The following RNF125 variants were observed in gnomAD, a reference collection of about 807,000 sequenced individuals.
RNF125 encodes E3 ubiquitin-protein ligase RNF125.
Under a neutral mutation model 26.0 loss-of-function variants are expected in RNF125, and 21 were observed. The observed-to-expected ratio is 0.81, with a 90% CI of 0.57 to 1.16. RNF125 has a LOEUF of 1.16. RNF125 is among the 50% of genes most tolerant of loss of function. The probability of loss-of-function intolerance (pLI) is 0.00; values close to 1 mark genes in which losing one functional copy is unlikely to be tolerated. For synonymous variants in RNF125, 95 were observed against 109.2 expected (o/e 0.87, Z 0.81); for missense variants, 270 against 299.4 (o/e 0.90, Z 0.72).
chr18:32,075,243 CTG>C (rs1197436141), downstream of RNF125, among the ~76,000 whole-genome samples: 2 of 152,176 alleles, frequency 1.3e-5, no homozygotes, highest in Admixed American at 6.5e-5. Context: ...TAACTGGACT[CTG>C]TGCCCACATT....
At position 32,071,903 on chromosome 18, in the gene RNF125, G is replaced by C. The variant is rs1299379768; in HGVS notation, c.*3519G>C. On this transcript the variant is annotated 3_prime_UTR_variant, in exon 6 of 6. Coordinates refer to ENST00000217740, the MANE Select transcript of RNF125 (RefSeq NM_017831.4). ...TGGATCATACAATAAAGCAAAATCT[G>C]GCTGGTTACAGTGGCTCACACCTAT... 6.6e-6 allele frequency: 1 copy of C among 152,144 alleles called. No individual in the cohort carries two copies. The highest frequency in any genetic ancestry group is 1.5e-5 in the Non-Finnish European group (1 of 68,046). The allele number at this position is 152,144 out of a possible 1,614,324, so 9.4% of individuals were successfully genotyped here.
At chr18:32,035,308 T>C (rs548794393) in intron 1 of RNF125, among the ~76,000 whole-genome samples, 2 of 152,134 alleles carry the variant, frequency 1.3e-5, no homozygotes, top group East Asian at 3.9e-4. Flanking sequence ...TGATAACAGA[T>C]GCAGAAGAGA....
chr18:32,080,027 T>TTTTTG, the RNF125 span, among the ~76,000 whole-genome samples: 836 of 152,188 alleles, frequency 5.5e-3, 4 homozygotes, highest in African/African-American at 0.019. Context: ...TATGTTTTTG[T>TTTTTG]TTTTGTTTTG....
chr18:32,084,455 C>T, the RNF125 span, among the ~76,000 whole-genome samples: 9 of 152,208 alleles, frequency 5.9e-5, no homozygotes, highest in African/African-American at 2.2e-4. Flanking sequence ...CTGGTCTACT[C>T]TAGGGCTCTG....
At chr18:32,037,347 G>C (rs1461166271) in intron 2 of RNF125, 78 bp downstream of exon 2, 4 of 663,792 alleles carry the variant, frequency 6.0e-6, no homozygotes, top group Non-Finnish European at 9.5e-6. Context: ...CTCTGCTTCT[G>C]ACCCCATGGT....
At chr18:32,090,694 T>C in the RNF125 span, among the ~76,000 whole-genome samples, 20 of 152,348 alleles carry the variant, frequency 1.3e-4, no homozygotes, top group African/African-American at 3.6e-4. Context: ...CTGATAGATA[T>C]GTAATAATGT....
At chr18:32,066,400 A>G (rs1233483287) in intron 5 of RNF125, among the ~76,000 whole-genome samples, 2 of 151,990 alleles carry the variant, frequency 1.3e-5, no homozygotes, top group African/African-American at 4.8e-5. Flanking sequence ...CAGAGGTTTC[A>G]GTGAGCTGAG....
intron 4 of RNF125, among the ~76,000 whole-genome samples, chr18:32,052,920 G>A (rs766851729): frequency 6.6e-6 from 1 of 152,114 alleles, no homozygotes; most frequent in Non-Finnish European, 1.5e-5. Context: ...TCCCTCAACA[G>A]TAAAATATGG....
chr18:32,041,997 T>G, intron 2 of RNF125, 182 bp from the exon 3 acceptor site: 1 of 575,224 alleles, frequency 1.7e-6, no homozygotes, highest in Admixed American at 3.3e-5. Flanking sequence ...TCGGAGAATT[T>G]GAAAAATAGT....
At chr18:32,079,434 G>C in the RNF125 span, among the ~76,000 whole-genome samples, 5 of 152,198 alleles carry the variant, frequency 3.3e-5, no homozygotes, top group Admixed American at 6.5e-5. Context: ...TTGACTGGAT[G>C]AATGAATGGC....
intron 4 of RNF125, among the ~76,000 whole-genome samples, chr18:32,050,346 G>A (rs2039311550): frequency 6.6e-6 from 1 of 152,034 alleles, no homozygotes; most frequent in Non-Finnish European, 1.5e-5. Context: ...TGGAGACAGG[G>A]TCTCGCTCTG....
the RNF125 span, among the ~76,000 whole-genome samples, chr18:32,079,228 A>T: frequency 1.3e-5 from 2 of 152,136 alleles, no homozygotes; most frequent in Non-Finnish European, 2.9e-5. Context: ...GTGGGGAGGG[A>T]GAGAAAGAGA....
chr18:32,021,296 G>A (rs1438628129), intron 1 of RNF125, among the ~76,000 whole-genome samples: 1 of 152,210 alleles, frequency 6.6e-6, no homozygotes, highest in African/African-American at 2.4e-5. Flanking sequence ...TAGCCAGGAT[G>A]GTCTTGATCT....
intron 1 of RNF125, among the ~76,000 whole-genome samples, chr18:32,024,525 C>T (rs888954573): frequency 6.6e-6 from 1 of 152,066 alleles, no homozygotes; most frequent in African/African-American, 2.4e-5. Context: ...ACTGCAACCT[C>T]AAATTCCTGG....
chr18:32,045,291 G>A (rs1216405301), intron 3 of RNF125, among the ~76,000 whole-genome samples: 1 of 152,004 alleles, frequency 6.6e-6, no homozygotes, highest in African/African-American at 2.4e-5. Context: ...AGGTGCGGTG[G>A]CTCACGCCTG....
rs1426949666 is a variant in RNF125 at position 32,069,470 on chromosome 18, T to G, written c.*1086T>G. 1 of 152,064 alleles carries G rather than the reference T, an allele frequency of 6.6e-6. No individual in the cohort carries two copies. Among genetic ancestry groups the G allele is most frequent in the East Asian group, 1.9e-4 (1 of 5,200 alleles). 9.4% of individuals were successfully genotyped at this position (152,064 alleles called of 1,614,324 possible). ...ACCCTAAGGGCTTTGATATCTTTTT[T>G]GATTGTAACATTTTAAAAATTATGA... On this transcript the variant is annotated 3_prime_UTR_variant, in exon 6 of 6. Transcript: ENST00000217740.
At chr18:32,045,767 C>A (rs750494968) in intron 4 of RNF125, 35 bp downstream of exon 4, 3 of 1,331,678 alleles carry the variant, frequency 2.3e-6, no homozygotes, top group South Asian at 2.4e-5. Flanking sequence ...ACAGCAATGT[C>A]TGAATTCAGG....
chr18:32,037,174 T>C lies in RNF125; in HGVS notation c.223T>C (p.Cys75Arg). Residue 75 changes from cysteine to arginine, a missense_variant, in exon 2 of 6, where the codon TGC becomes CGC. Cys to Arg is a radical substitution (Grantham distance 180, BLOSUM62 -3). Transcript: ENST00000217740. ...LKNNKWTCPY[C>R]RAYLPSEGVP... is the part of the protein sequence containing the mutation. ...GAACAACAAGTGGACCTGTCCTTATTGCCGGGCATATCTTCCTTCAGAAGG... is the reference window on the plus strand; with the variant it reads ...GAACAACAAGTGGACCTGTCCTTATCGCCGGGCATATCTTCCTTCAGAAGG... 1 of 1,607,208 alleles carries C rather than the reference T, an allele frequency of 6.2e-7. No homozygotes were observed. The highest frequency in any genetic ancestry group is 8.5e-7 in the Non-Finnish European group (1 of 1,177,724).
chr18:32,048,084 G>C (rs539274354), intron 4 of RNF125, among the ~76,000 whole-genome samples: 1 of 151,618 alleles, frequency 6.6e-6, no homozygotes, highest in Admixed American at 6.6e-5. Context: ...AACTGAGATC[G>C]TGCCACTGCA....
Sources: allele counts gnomAD v4.1 joint callset (sites outside exome capture counted in the v4.1 genomes callset), GRCh38; gene constraint gnomAD v4.1.1; transcripts MANE v1.5; gene names NCBI Gene and HGNC (gene_info 2026-07-23, HGNC 2026-07-21).